N4BP2: variants seen among roughly 807,000 people sequenced by gnomAD.
N4BP2 encodes the protein NEDD4-binding protein 2.
N4BP2 carries 91 observed loss-of-function variants against 152.8 expected under a neutral mutation model. That is an observed-to-expected ratio of 0.60 (90% CI 0.50 to 0.71). The LOEUF is 0.71. Among genes scored for constraint, N4BP2 ranks in the 30% least tolerant of loss-of-function variants. The pLI is 0.00. For synonymous variants in N4BP2, 646 were observed against 705.3 expected (o/e 0.92, Z 1.33); for missense variants, 1,923 against 2,059.1 (o/e 0.93, Z 1.28).
intron 6 of N4BP2, among the ~76,000 whole-genome samples, chr4:40,112,663 C>A (rs1009664621): frequency 4.6e-5 from 7 of 151,748 alleles, no homozygotes; most frequent in Admixed American, 4.6e-4. Flanking sequence ...CTGACCTATA[C>A]CTAATCCTCT....
chr4:40,126,382 GTA>G (rs766873572), intron 12 of N4BP2, 52 bp downstream of exon 12: 7 of 856,366 alleles, frequency 8.2e-6, no homozygotes, highest in Non-Finnish European at 1.2e-5. Flanking sequence ...GGTTTATTGT[GTA>G]TGTTTACTTT....
At chr4:40,112,332 A>G (rs1188581241) in intron 6 of N4BP2, among the ~76,000 whole-genome samples, 160 bp downstream of exon 6, 2 of 152,210 alleles carry the variant, frequency 1.3e-5, no homozygotes, top group African/African-American at 4.8e-5. Context: ...AAATTAGGCC[A>G]TTTAGCTGAG....
intron 14 of N4BP2, 79 bp from the exon 15 acceptor site, chr4:40,142,594 G>A: frequency 1.1e-6 from 1 of 931,246 alleles, no homozygotes. Context: ...CAGTTTTCAT[G>A]TGCGTTTTGT....
the N4BP2 span, among the ~76,000 whole-genome samples, chr4:40,172,163 C>T: frequency 6.6e-6 from 1 of 152,138 alleles, no homozygotes; most frequent in African/African-American, 2.4e-5. Context: ...ATCTGCCCAC[C>T]TCGGCCTCCC....
At chr4:40,142,634 ACTTT>A in intron 14 of N4BP2, 35 bp from the exon 15 acceptor site, 1 of 1,466,416 alleles carries the variant, frequency 6.8e-7, no homozygotes, top group Non-Finnish European at 9.3e-7. Context: ...TTTTTTTTTA[ACTTT>A]CTGTGTGTGT....
chr4:40,108,235 G>C (rs1224546730), intron 5 of N4BP2, among the ~76,000 whole-genome samples: 4 of 151,928 alleles, frequency 2.6e-5, no homozygotes, highest in African/African-American at 9.7e-5. Context: ...TGCCCAGCCT[G>C]GTTACTGCTT....
intron 1 of N4BP2, among the ~76,000 whole-genome samples, chr4:40,059,506 C>G (rs1239165384): frequency 6.6e-6 from 1 of 151,994 alleles, no homozygotes; most frequent in East Asian, 1.9e-4. Context: ...CTCAACACCA[C>G]ACCTGGCTAA....
chr4:40,070,906 C>T (rs192680884), intron 1 of N4BP2, among the ~76,000 whole-genome samples: 1 of 151,420 alleles, frequency 6.6e-6, no homozygotes, highest in African/African-American at 2.4e-5. Context: ...CTCACTGCAA[C>T]CTCCTTCTCC....
the N4BP2 span, among the ~76,000 whole-genome samples, chr4:40,177,839 G>A: frequency 6.6e-6 from 1 of 152,130 alleles, no homozygotes; most frequent in Non-Finnish European, 1.5e-5. Context: ...CTCTTTAGGG[G>A]ACAGCAACTT....
chr4:40,108,339 G>A (rs753855635), intron 5 of N4BP2, among the ~76,000 whole-genome samples: 8 of 150,680 alleles, frequency 5.3e-5, no homozygotes, highest in Non-Finnish European at 8.9e-5. Context: ...TTGAGACGAA[G>A]TCTTGCTTTG....
At position 40,144,644 on chromosome 4, in the gene N4BP2, G is replaced by T; in HGVS notation, c.4987G>T (p.Glu1663Ter). 2 of 1,611,564 alleles carry T rather than the reference G, an allele frequency of 1.2e-6. No individual in the cohort carries two copies. The highest frequency in any genetic ancestry group is 2.2e-5 in the South Asian group (2 of 90,442). The change falls in exon 16 of 18, where the codon GAG becomes TAG. Residue 1663 changes from glutamate (E) to a stop codon, truncating the protein, a stop_gained. Transcript: ENST00000261435. LOFTEE classifies it high-confidence loss of function. The stretch of plus-strand genomic sequence containing the variant: ...GTTTATGATTTAGGGTACTCTTCAT[G>T]AGCAGAAGATGAAAGAAGCCAATCA... ...TFYAQQGTLH[E>*]QKMKEANHLA...
chr4:40,143,389 C>G (rs141691386), intron 15 of N4BP2, among the ~76,000 whole-genome samples: 5 of 152,216 alleles, frequency 3.3e-5, no homozygotes, highest in South Asian at 4.1e-4. Flanking sequence ...TCTCCGCTAA[C>G]TGCAGCCTTG....
At position 40,107,142 on chromosome 4, in the gene N4BP2, C is replaced by T. The variant is rs977855682; in HGVS notation, c.1498+118C>T. ...TGAGACAGGGTCTCGCTGTGTTGCA[C>T]AGGCTAGAGTGCAGTGGCATGATCT... On this transcript the variant is annotated intron_variant, in intron 5 of 17. Coordinates refer to ENST00000261435, the MANE Select transcript of N4BP2 (RefSeq NM_018177.6). 7 of 1,006,966 alleles carry T rather than the reference C, an allele frequency of 7.0e-6. No homozygotes were observed. In the Admixed American group the frequency reaches 1.3e-4, roughly 19 times the overall value. The allele number at this position is 1,006,966 out of a possible 1,614,324, so 62.4% of individuals were successfully genotyped here.
At chr4:40,068,793 A>G (rs1480780159) in intron 1 of N4BP2, among the ~76,000 whole-genome samples, 1 of 152,136 alleles carries the variant, frequency 6.6e-6, no homozygotes, top group Non-Finnish European at 1.5e-5. Context: ...TGTTTTAACT[A>G]TTTGGGATCC....
chr4:40,142,292 C>T (rs1720083991), intron 14 of N4BP2: 2 of 325,058 alleles, frequency 6.2e-6, no homozygotes, highest in South Asian at 6.5e-5. Context: ...TGGATCATGG[C>T]CCTCCTCTCT....
the N4BP2 span, among the ~76,000 whole-genome samples, chr4:40,187,515 T>C: frequency 6.6e-6 from 1 of 152,214 alleles, no homozygotes; most frequent in Admixed American, 6.5e-5. Context: ...AGATGGGGTC[T>C]TGCTATGTTG....
chr4:40,140,303 G>GGATA lies in N4BP2; in HGVS notation c.4786-2362_4786-2359dup, dbSNP rs58127628. Among the ~76,000 whole-genome samples, 616 of 152,248 alleles carry GGATA rather than the reference G, an allele frequency of 4.0e-3. 8 individuals are homozygous for GGATA. Among genetic ancestry groups the GGATA allele is most frequent in the African/African-American group, 0.014 (587 of 41,534 alleles). On this transcript the variant is annotated intron_variant, in intron 14 of 17. Coordinates refer to ENST00000261435, the MANE Select transcript of N4BP2 (RefSeq NM_018177.6). ...GCCCACCTGGAAAACATGCTGTCATGGATAGATAGATGCAGCATATTATAA... is the reference window on the plus strand; with the variant it reads ...GCCCACCTGGAAAACATGCTGTCATGGATAGATAGATAGATGCAGCATATTATAA...
Position 40,064,086 on chromosome 4 carries a change from A to G in N4BP2, c.-212+7056A>G, listed in dbSNP as rs114508261. Among the ~76,000 whole-genome samples, 642 of 152,090 alleles carry G rather than the reference A, an allele frequency of 4.2e-3. 3 individuals carry two copies. The highest frequency in any genetic ancestry group is 0.015 in the African/African-American group (602 of 41,512). Reference sequence around the variant, plus strand: ...GTGCTGGGACCACATGTGAACCACTATGCCTGGCCTCATCCACTGTAATTC... The same window carrying G: ...GTGCTGGGACCACATGTGAACCACTGTGCCTGGCCTCATCCACTGTAATTC... On this transcript the variant is annotated intron_variant, in intron 1 of 17. Coordinates refer to ENST00000261435, the MANE Select transcript of N4BP2 (RefSeq NM_018177.6).
chr4:40,079,423 G>GTT (rs35152952), intron 2 of N4BP2, among the ~76,000 whole-genome samples: 50 of 133,814 alleles, frequency 3.7e-4, no homozygotes, highest in East Asian at 1.7e-3. Context: ...ACCCTGGATG[G>GTT]TTTTTTTTTT....
Sources: gnomAD v4.1 joint callset for allele counts (sites outside exome capture counted in the v4.1 genomes callset) on GRCh38, gnomAD v4.1.1 for gene constraint, MANE v1.5 for transcripts, NCBI Gene and HGNC (gene_info 2026-07-23, HGNC 2026-07-21) for gene names.